The following FRAS1 variants were observed in gnomAD, a reference collection of about 807,000 sequenced individuals.
FRAS1 encodes extracellular matrix organizing protein FRAS1.
Under a neutral mutation model 435.2 loss-of-function variants are expected in FRAS1, and 290 were observed. The ratio of observed to expected loss-of-function variants is 0.67; its 90% CI spans 0.61 to 0.73. The LOEUF (loss-of-function observed/expected upper bound fraction) is 0.73. Among genes scored for constraint, FRAS1 ranks in the 30% least tolerant of loss-of-function variants. FRAS1 has a pLI of 0.00. For synonymous variants in FRAS1, 1,800 were observed against 1,851.0 expected, an observed-to-expected ratio of 0.97 and a Z score of 0.71; for missense variants, 4,860 against 5,001.5, an observed-to-expected ratio of 0.97 and a Z score of 0.85.
At chr4:78,502,658 A>G (rs1720719732) in intron 61 of FRAS1, among the ~76,000 whole-genome samples, 1 of 152,218 alleles carries the variant, frequency 6.6e-6, no homozygotes. Context: ...TGTCATCTGC[A>G]AACAGGGGCA....
chr4:78,460,470 A>G (rs1314111716), intron 47 of FRAS1, among the ~76,000 whole-genome samples: 4 of 152,248 alleles, frequency 2.6e-5, no homozygotes, highest in African/African-American at 4.8e-5. Flanking sequence ...CTTGCTGGCA[A>G]ATGAGCAGAT....
chr4:78,169,549 C>T (rs1432095798), intron 2 of FRAS1, among the ~76,000 whole-genome samples: 6 of 152,066 alleles, frequency 3.9e-5, no homozygotes, highest in Non-Finnish European at 8.8e-5. Context: ...TCACTAACCA[C>T]AACGTATAGC....
At chr4:78,331,708 C>G (rs545478978) in intron 18 of FRAS1, among the ~76,000 whole-genome samples, 1 of 152,134 alleles carries the variant, frequency 6.6e-6, no homozygotes, top group Admixed American at 6.5e-5. Flanking sequence ...CAGAAGATGG[C>G]CTGAAATGCA....
At chr4:78,133,718 G>A (rs543996350) in intron 2 of FRAS1, among the ~76,000 whole-genome samples, 6 of 152,090 alleles carry the variant, frequency 3.9e-5, no homozygotes, top group African/African-American at 4.8e-5. Context: ...GATAAGCAAC[G>A]TAAACAAAAT....
intron 18 of FRAS1, 44 bp from the exon 19 acceptor site, chr4:78,333,228 G>T (rs1003086128): frequency 6.3e-7 from 1 of 1,579,150 alleles, no homozygotes; most frequent in African/African-American, 1.4e-5. Flanking sequence ...TCTGTGTCAC[G>T]TGGGGCTTTC....
chr4:78,085,031 A>G (rs903383380), intron 2 of FRAS1, among the ~76,000 whole-genome samples: 9 of 152,252 alleles, frequency 5.9e-5, no homozygotes, highest in East Asian at 1.9e-4. Context: ...TGATCATTTC[A>G]GAGAATAAGA....
In FRAS1 at chr4:78,368,570, G is replaced by A. The variant is rs78332308; in HGVS notation, c.2723-1268G>A. ...TACAATATGACAGATAACCAGCTAGGTGCTGACTAACATTACAAGGAACAA... is the reference window on the plus strand; with the variant it reads ...TACAATATGACAGATAACCAGCTAGATGCTGACTAACATTACAAGGAACAA... On this transcript the variant is annotated intron_variant, in intron 22 of 73. Transcript: ENST00000512123. 3.6e-3 allele frequency among the ~76,000 whole-genome samples: 543 copies of A among 152,238 alleles called. 4 individuals are homozygous for A. The highest frequency in any genetic ancestry group is 0.012 in the African/African-American group (497 of 41,548).
At chr4:78,113,286 A>G (rs1207293599) in intron 2 of FRAS1, among the ~76,000 whole-genome samples, 1 of 152,214 alleles carries the variant, frequency 6.6e-6, no homozygotes, top group Admixed American at 6.5e-5. Context: ...CGCAACAAAC[A>G]TAAGTGTGCA....
At chr4:78,337,651 C>A (rs17003141) in intron 19 of FRAS1, 23 bp from the exon 20 acceptor site, 21,154 of 1,606,464 alleles carry the variant, frequency 0.013, 185 homozygotes, top group Non-Finnish European at 0.015. Context: ...TAATTCCAAT[C>A]CTGGTTTTCG....
chr4:78,516,422 TAAG>T (rs1721218878), intron 66 of FRAS1, among the ~76,000 whole-genome samples: 2 of 152,230 alleles, frequency 1.3e-5, no homozygotes, highest in African/African-American at 4.8e-5. Flanking sequence ...TTTCAGAAGA[TAAG>T]AAGAGCTCTG....
intron 3 of FRAS1, among the ~76,000 whole-genome samples, chr4:78,241,768 A>G (rs1428614801): frequency 1.3e-5 from 2 of 152,190 alleles, no homozygotes; most frequent in African/African-American, 4.8e-5. Flanking sequence ...GACAGATTTT[A>G]AGGTTGGCTA....
intron 29 of FRAS1, among the ~76,000 whole-genome samples, chr4:78,397,144 A>G (rs1263854004): frequency 6.6e-6 from 1 of 152,082 alleles, no homozygotes; most frequent in Non-Finnish European, 1.5e-5. Flanking sequence ...CTGTGTTTGC[A>G]TTTGAAAAAG....
intron 2 of FRAS1, among the ~76,000 whole-genome samples, chr4:78,070,254 T>G (rs1243963110): frequency 6.3e-5 from 1 of 15,762 alleles, no homozygotes; most frequent in Non-Finnish European, 2.0e-4. Flanking sequence ...TGTATATAAG[T>G]GTATATATAT....
Position 78,513,506 on chromosome 4 carries a change from C to T in FRAS1, c.10128C>T (p.His3376=), listed in dbSNP as rs369331788. The T allele has an allele frequency of 1.2e-4, 195 of 1,613,734 alleles. 1 individual carries two copies. The highest frequency in any genetic ancestry group is 1.0e-4 in the Non-Finnish European group (118 of 1,179,798). The change falls in exon 65 of 74, where the codon CAC becomes CAT. Residue 3376 remains histidine (H), a synonymous_variant. Coordinates refer to ENST00000512123, the MANE Select transcript of FRAS1 (RefSeq NM_025074.7). ...LLSESIYRHQ[H]VCSNLVTTYD... ...CTGAGTCCATCTACAGACACCAGCA[C>T]GTCTGCTCCAATTTAGTTACCACCT...
intron 27 of FRAS1, among the ~76,000 whole-genome samples, chr4:78,381,611 C>A (rs1449043786): frequency 6.6e-6 from 1 of 152,186 alleles, no homozygotes; most frequent in Non-Finnish European, 1.5e-5. Flanking sequence ...ATTTCTATCA[C>A]ACAGACACAG....
chr4:78,169,700 A>G (rs933773428), intron 2 of FRAS1, among the ~76,000 whole-genome samples: 1 of 152,118 alleles, frequency 6.6e-6, no homozygotes. Flanking sequence ...TTGCTACTTA[A>G]CAGCACCATT....
Position 78,544,065 on chromosome 4 carries a change from A to T in FRAS1, c.*2941A>T, listed in dbSNP as rs1259558413. 6.6e-6 allele frequency: 1 copy of T among 152,646 alleles called. No individual in the cohort carries two copies. The highest frequency in any genetic ancestry group is 1.5e-5 in the Non-Finnish European group (1 of 68,034). 9.5% of individuals were successfully genotyped at this position (152,646 alleles called of 1,614,324 possible). A position where few individuals can be genotyped will look rare whatever the true frequency, so the allele number is the denominator to read the frequency against. On this transcript the variant is annotated 3_prime_UTR_variant, in exon 74 of 74. Transcript: ENST00000512123. ...GCACAGTCTTATGATATTCAGTCTC[A>T]GTCTGCTATAGGTATTTGTTATTCT...
At chr4:78,114,641 G>A (rs1743008224) in intron 2 of FRAS1, among the ~76,000 whole-genome samples, 3 of 152,114 alleles carry the variant, frequency 2.0e-5, no homozygotes, top group Non-Finnish European at 4.4e-5. Flanking sequence ...TCTGTTATTG[G>A]TGTATAAGAA....
chr4:78,318,254 C>T (rs750807427), intron 17 of FRAS1, among the ~76,000 whole-genome samples: 1 of 152,130 alleles, frequency 6.6e-6, no homozygotes, highest in Non-Finnish European at 1.5e-5. Flanking sequence ...AGTTTGACTA[C>T]CTTATTTGGC....
Sources: gnomAD v4.1 joint callset for allele counts (sites outside exome capture counted in the v4.1 genomes callset) on GRCh38, gnomAD v4.1.1 for gene constraint, MANE v1.5 for transcripts, NCBI Gene and HGNC (gene_info 2026-07-23, HGNC 2026-07-21) for gene names.